The following POU2F2 variants were observed in gnomAD, a reference collection of about 807,000 sequenced individuals.
POU2F2 encodes the protein POU domain, class 2, transcription factor 2.
Under a neutral mutation model 63.5 loss-of-function variants are expected in POU2F2, and 14 were observed. That is an observed-to-expected ratio of 0.22 (90% CI 0.15 to 0.34). The LOEUF (loss-of-function observed/expected upper bound fraction) is 0.34. Among genes scored for constraint, POU2F2 ranks in the 10% least tolerant of loss-of-function variants. POU2F2 has a pLI of 1.00. For synonymous variants in POU2F2, 306 were observed against 348.6 expected (o/e 0.88, Z 1.36); for missense variants, 607 against 815.2 (o/e 0.74, Z 3.11).
At chr19:42,141,566 CTGCCTCCTGT>C (rs941888788) in intron 2 of POU2F2, among the ~76,000 whole-genome samples, 2 of 146,386 alleles carry the variant, frequency 1.4e-5, no homozygotes, top group African/African-American at 5.1e-5. Context: ...ACTACAACCT[CTGCCTCCTGT>C]GTTCAAGCGA....
intron 2 of POU2F2, among the ~76,000 whole-genome samples, chr19:42,154,006 C>T (rs2034407625): frequency 6.6e-6 from 1 of 151,818 alleles, no homozygotes; most frequent in African/African-American, 2.4e-5. Context: ...GCAGGCTGTA[C>T]CTCTGCTCCT....
In POU2F2 at chr19:42,095,994, C is replaced by T; in HGVS notation, c.730-65G>A. On this transcript the variant is annotated intron_variant, in intron 8 of 14. Coordinates refer to ENST00000692977, the MANE Select transcript of POU2F2 (RefSeq NM_001394376.1). The surrounding 1 kb of genome is among the most constrained non-coding windows in gnomAD (Gnocchi z 7.1). ...GGGCCTTCCGGCACTGGGCCCGCTC[C>T]GCCCGCCCACTGGCCACGCCCCTCG... 1 of 1,598,418 alleles carries T rather than the reference C, an allele frequency of 6.3e-7. No individual in the cohort carries two copies. The highest frequency in any genetic ancestry group is 8.5e-7 in the Non-Finnish European group (1 of 1,173,378).
At chr19:42,193,666 G>T (rs2035098203) in intron 1 of POU2F2, among the ~76,000 whole-genome samples, 1 of 152,204 alleles carries the variant, frequency 6.6e-6, no homozygotes, top group African/African-American at 2.4e-5. Context: ...AAGCCAGCAC[G>T]TTTATGGTAA....
At chr19:42,132,491 A>T, upstream of POU2F2, 1 of 1,340,714 alleles carries the variant, frequency 7.5e-7, no homozygotes, top group Non-Finnish European at 9.8e-7. Flanking sequence ...CCCTGCCGGA[A>T]GTCACTCAGG....
rs759778502 is a variant in POU2F2 at position 42,092,075 on chromosome 19, C to G, written c.1460G>C (p.Ser487Thr). 3 of 1,598,256 alleles carry G rather than the reference C, an allele frequency of 1.9e-6. No homozygotes were observed. Among genetic ancestry groups the G allele is most frequent in the South Asian group, 1.1e-5 (1 of 88,040 alleles). ...CCCACGTGCACCCACTTACCCCGTG[C>G]TGGGGTTCAGGCCTGACAAGCCGAT... ...SAIGLSGLNP[S>T]TGSTMVGLSS... The change falls in exon 13 of 15, where the codon AGC (serine) becomes ACC (threonine). Residue 487 changes from serine to threonine, a missense_variant. Around this residue, in one of 7 missense-constraint regions of POU2F2, gnomAD observed 270 missense variants for 307.5 expected, o/e 0.88. Coordinates refer to ENST00000692977, the MANE Select transcript of POU2F2 (RefSeq NM_001394376.1). This position sits in a 1 kb window ranked among gnomAD's most constrained non-coding sequence, Gnocchi z 5.0.
upstream of POU2F2, among the ~76,000 whole-genome samples, chr19:42,177,582 A>G (rs140271203): frequency 1.4e-3 from 213 of 151,976 alleles, 1 homozygote; most frequent in African/African-American, 4.9e-3. Context: ...GGAGAGGGGT[A>G]GGAATAGAAG....
chr19:42,122,789 A>C (rs764732612), intron 1 of POU2F2, among the ~76,000 whole-genome samples: 1 of 151,964 alleles, frequency 6.6e-6, no homozygotes, highest in South Asian at 2.1e-4. Flanking sequence ...GCCTTGGGGG[A>C]TCTTGCCTTA....
chr19:42,187,725 G>A (rs539475060), intron 1 of POU2F2, among the ~76,000 whole-genome samples: 35 of 142,272 alleles, frequency 2.5e-4, no homozygotes, highest in African/African-American at 9.3e-4. Context: ...TCATGCCACT[G>A]CATTCCGGTC....
intron 7 of POU2F2, among the ~76,000 whole-genome samples, chr19:42,098,900 C>T (rs2077023352): frequency 6.6e-6 from 1 of 152,198 alleles, no homozygotes; most frequent in Non-Finnish European, 1.5e-5. Flanking sequence ...AGAGCTGGCA[C>T]CCTCTCTAAG....
intron 5 of POU2F2, among the ~76,000 whole-genome samples, chr19:42,106,386 C>T (rs2030004841): frequency 6.6e-6 from 1 of 152,144 alleles, no homozygotes; most frequent in Non-Finnish European, 1.5e-5. Context: ...GCTGGGGTCA[C>T]AGGTGTGAGC....
upstream of POU2F2, chr19:42,132,526 C>T: frequency 9.6e-7 from 1 of 1,041,238 alleles, no homozygotes; most frequent in South Asian, 2.2e-5. Context: ...GCCGGTCCGC[C>T]CCCTTCAGAA....
chr19:42,126,796 C>T (rs1321412284), intron 1 of POU2F2, among the ~76,000 whole-genome samples: 2 of 152,198 alleles, frequency 1.3e-5, no homozygotes, highest in Non-Finnish European at 2.9e-5. Context: ...TCTGACTCAT[C>T]ACTGGGTCCC....
intron 1 of POU2F2, among the ~76,000 whole-genome samples, chr19:42,172,963 C>A (rs768991114): frequency 6.6e-6 from 1 of 152,140 alleles, no homozygotes; most frequent in Non-Finnish European, 1.5e-5. Context: ...ATGAGGAGGA[C>A]CTTGGTTCTA....
intron 2 of POU2F2, among the ~76,000 whole-genome samples, chr19:42,146,242 A>G (rs1277614761): frequency 6.6e-6 from 1 of 152,174 alleles, no homozygotes; most frequent in Admixed American, 6.5e-5. Flanking sequence ...AGATGGAACC[A>G]GGATTGGCAC....
intron 4 of POU2F2, among the ~76,000 whole-genome samples, chr19:42,119,118 G>A (rs983618024): frequency 5.3e-5 from 8 of 150,292 alleles, no homozygotes; most frequent in South Asian, 2.1e-4. Context: ...GCAAGACACC[G>A]TCTCTTAAAA....
intron 12 of POU2F2, 121 bp downstream of exon 12, chr19:42,093,708 A>C (rs1599928137): frequency 1.0e-6 from 1 of 986,376 alleles, no homozygotes; most frequent in Non-Finnish European, 1.5e-6. Flanking sequence ...CCATTCCCCC[A>C]CCCACACTCC....
upstream of POU2F2, among the ~76,000 whole-genome samples, chr19:42,177,701 G>GT (rs2034912522): frequency 6.6e-6 from 1 of 151,494 alleles, no homozygotes; most frequent in Non-Finnish European, 1.5e-5. Flanking sequence ...CGGACACACA[G>GT]TAAGAGACAG....
intron 1 of POU2F2, among the ~76,000 whole-genome samples, chr19:42,195,083 G>GAGGAAGGA (rs1395660728): frequency 2.6e-4 from 3 of 11,564 alleles, no homozygotes; most frequent in Non-Finnish European, 6.6e-4. Flanking sequence ...GGAAGGGAGG[G>GAGGAAGGA]AGGAAGGGAG....
chr19:42,106,993 T>C (rs2030187878), intron 5 of POU2F2, among the ~76,000 whole-genome samples: 1 of 151,900 alleles, frequency 6.6e-6, no homozygotes, highest in Non-Finnish European at 1.5e-5. Context: ...ACCATGGCAC[T>C]GCAGCCTAGG....
Sources: allele counts gnomAD v4.1 joint callset (sites outside exome capture counted in the v4.1 genomes callset), GRCh38; gene constraint gnomAD v4.1.1; regional missense constraint gnomAD v4.1.1; non-coding constraint Gnocchi (gnomAD v3.1); transcripts MANE v1.5; gene names NCBI Gene and HGNC (gene_info 2026-07-23, HGNC 2026-07-21).